The following RAP1GAP2 variants were observed in gnomAD, a reference collection of about 807,000 sequenced individuals.
RAP1GAP2 encodes rap1 GTPase-activating protein 2.
A neutral mutation model predicts 95.0 loss-of-function variants in RAP1GAP2; 27 were observed. The ratio of observed to expected loss-of-function variants is 0.28; its 90% confidence interval spans 0.21 to 0.39. RAP1GAP2 has a LOEUF of 0.39. RAP1GAP2 is among the 10% of genes least tolerant of loss of function. The probability of loss-of-function intolerance (pLI) is 1.00; values close to 1 mark genes in which losing one functional copy is unlikely to be tolerated. For synonymous variants in RAP1GAP2, 373 were observed against 380.9 expected (o/e 0.98, Z 0.24); for missense variants, 771 against 970.0 (o/e 0.79, Z 2.72).
At position 2,886,178 on chromosome 17, in the gene RAP1GAP2, T is replaced by A. The variant is rs1419646231; in HGVS notation, c.81-19106T>A. ...GTGTGTGTGTATATATATATTTTTT[T>A]TTTTTTTTTTTTGAGCCGGAGTCTC... On this transcript the variant is annotated intron_variant, in intron 2 of 24. Transcript: ENST00000254695. 1.3e-3 allele frequency among the ~76,000 whole-genome samples: 195 copies of A among 146,176 alleles called. 3 individuals carry two copies. Among genetic ancestry groups the A allele is most frequent in the Admixed American group, 3.1e-3 (45 of 14,716 alleles).
chr17:2,852,331 AGGGGGTGGGGGT>A (rs139565145), intron 2 of RAP1GAP2, among the ~76,000 whole-genome samples: 2 of 67,660 alleles, frequency 3.0e-5, no homozygotes, highest in African/African-American at 5.2e-5. Flanking sequence ...CCCGGCAGGG[AGGGGGTGGGGGT>A]GGGGGTGGGG....
In RAP1GAP2 at chr17:2,816,135, AG is replaced by A. The variant is rs1335926488; in HGVS notation, c.80+15588del. 2.6e-5 allele frequency among the ~76,000 whole-genome samples: 4 copies of A among 151,436 alleles called. No individual in the cohort carries two copies. In the East Asian group the frequency reaches 7.8e-4, roughly 29 times the overall value. ...ATAATCTGGTAAAAATAGGCGGGGG[AG>A]GGAAGAGCTGGAAGAGGCCCGAGCC... On this transcript the variant is annotated intron_variant, in intron 2 of 24. Coordinates refer to ENST00000254695, the MANE Select transcript of RAP1GAP2 (RefSeq NM_015085.5).
chr17:2,829,358 C>T (rs2070732453), intron 2 of RAP1GAP2, among the ~76,000 whole-genome samples: 1 of 152,078 alleles, frequency 6.6e-6, no homozygotes, highest in Non-Finnish European at 1.5e-5. Context: ...GTTTCTCATC[C>T]CATTGCCTAC....
chr17:2,922,838 T>C, intron 3 of RAP1GAP2, among the ~76,000 whole-genome samples: 1 of 150,800 alleles, frequency 6.6e-6, no homozygotes, highest in Middle Eastern at 3.4e-3. Context: ...TTTTGTTTTT[T>C]TTTTTTTTTT....
intron 2 of RAP1GAP2, among the ~76,000 whole-genome samples, chr17:2,832,203 CCAAAAAAAAAAAGAAAA>C (rs2070888924): frequency 1.9e-5 from 1 of 51,996 alleles, no homozygotes; most frequent in South Asian, 5.1e-4. Flanking sequence ...GACTCTGTCT[CCAAAAAAAAAAAGAAAA>C]CAAAAAAACC....
chr17:2,965,512 C>T lies in RAP1GAP2; in HGVS notation c.493-28C>T, dbSNP rs1254436279. On this transcript the variant is annotated intron_variant, in intron 7 of 24. Coordinates refer to ENST00000254695, the MANE Select transcript of RAP1GAP2 (RefSeq NM_015085.5). This position sits in a 1 kb window ranked among gnomAD's most constrained non-coding sequence, Gnocchi z 4.7. ...ATACCTGGAAGGTTTCTTCCTCCTT[C>T]CTGCTCACACTCAGTTTCTTTTTTT... is the stretch of plus-strand genomic sequence containing the variant. 6 of 1,562,248 alleles carry T rather than the reference C, an allele frequency of 3.8e-6. No individual in the cohort carries two copies. In the African/African-American group the frequency reaches 8.1e-5, roughly 21 times the overall value.
In RAP1GAP2 at chr17:2,904,653, GC is replaced by G. The variant is rs1567761767; in HGVS notation, c.81-627del. Among the ~76,000 whole-genome samples, 1 of 150,900 alleles carries G rather than the reference GC, an allele frequency of 6.6e-6. No individual in the cohort carries two copies. The highest frequency in any genetic ancestry group is 2.0e-4 in the East Asian group (1 of 5,096). ...CCAGCCCCAGTCCTGGATCTCTTTAGCCCCGTGGTTCTCAGACTTTGCCGTG... is the reference window on the plus strand; with the variant it reads ...CCAGCCCCAGTCCTGGATCTCTTTAGCCCGTGGTTCTCAGACTTTGCCGTG... On this transcript the variant is annotated intron_variant, in intron 2 of 24. Coordinates refer to ENST00000254695, the MANE Select transcript of RAP1GAP2 (RefSeq NM_015085.5). The surrounding 1 kb of genome is among the most constrained non-coding windows in gnomAD (Gnocchi z 4.7).
intron 12 of RAP1GAP2, among the ~76,000 whole-genome samples, chr17:2,993,936 T>G (rs2045866888): frequency 6.6e-6 from 1 of 152,100 alleles, no homozygotes; most frequent in African/African-American, 2.4e-5. Context: ...TCCCCGCTAC[T>G]TGGCAGGCTG....
chr17:2,899,392 T>A (rs1221870952), intron 2 of RAP1GAP2, among the ~76,000 whole-genome samples: 1 of 152,024 alleles, frequency 6.6e-6, no homozygotes, highest in Non-Finnish European at 1.5e-5. Flanking sequence ...ATATTTTTTT[T>A]AGTAGAGACG....
intron 2 of RAP1GAP2, among the ~76,000 whole-genome samples, chr17:2,832,557 CAA>C (rs35663343): frequency 7.0e-4 from 54 of 76,704 alleles, no homozygotes; most frequent in South Asian, 1.7e-3. Context: ...GACTCCATCT[CAA>C]AAAAAAAAAA....
intron 4 of RAP1GAP2, 136 bp from the exon 5 acceptor site, chr17:2,962,534 A>G: frequency 2.3e-6 from 2 of 877,892 alleles, no homozygotes; most frequent in Non-Finnish European, 3.5e-6. Flanking sequence ...GCCAGGTGTG[A>G]TGTGTGCAGG....
chr17:2,819,164 G>A (rs946051818), intron 2 of RAP1GAP2, among the ~76,000 whole-genome samples: 1 of 151,728 alleles, frequency 6.6e-6, no homozygotes, highest in South Asian at 2.1e-4. Flanking sequence ...GACTACAGGC[G>A]CCCGCTACCA....
intron 2 of RAP1GAP2, among the ~76,000 whole-genome samples, chr17:2,830,372 G>C (rs146684822): frequency 6.6e-6 from 1 of 151,114 alleles, no homozygotes. Context: ...CGAGGAGATC[G>C]TGCCATTGCA....
chr17:2,759,370 C>A (rs2071203882), intron 1 of RAP1GAP2, among the ~76,000 whole-genome samples: 2 of 152,124 alleles, frequency 1.3e-5, no homozygotes, highest in South Asian at 4.1e-4. Context: ...AGCCTCTACC[C>A]GCTAGGCTCA....
intron 2 of RAP1GAP2, among the ~76,000 whole-genome samples, chr17:2,829,139 C>G (rs371084478): frequency 6.6e-6 from 1 of 151,892 alleles, no homozygotes; most frequent in Non-Finnish European, 1.5e-5. Flanking sequence ...CCCGCCACCA[C>G]GCCCGGCTAA....
intron 3 of RAP1GAP2, among the ~76,000 whole-genome samples, chr17:2,938,547 T>A (rs944769797): frequency 1.3e-5 from 2 of 152,238 alleles, no homozygotes; most frequent in East Asian, 3.9e-4. Flanking sequence ...GGCCCTGAGC[T>A]CATGGTGTGT....
rs1472993525 is a variant in RAP1GAP2 at position 2,991,353 on chromosome 17, C to T, written c.870C>T (p.Phe290=). The change falls in exon 12 of 25, where the codon TTC becomes TTT. Residue 290 remains phenylalanine (F), a synonymous_variant. Coordinates refer to ENST00000254695, the MANE Select transcript of RAP1GAP2 (RefSeq NM_015085.5). The stretch of plus-strand genomic sequence containing the variant: ...AGGAGAGCCCAGCTTTTAAGGAGTT[C>T]TTGGACCTGCTGGGGGACACGATCA... ...NNEESPAFKE[F]LDLLGDTITL... 11 of 1,606,244 alleles carry T rather than the reference C, an allele frequency of 6.8e-6. No individual in the cohort carries two copies. Among genetic ancestry groups the T allele is most frequent in the Non-Finnish European group, 9.3e-6 (11 of 1,176,532 alleles).
intron 3 of RAP1GAP2, among the ~76,000 whole-genome samples, chr17:2,911,260 A>ATTTTTTTTTTTTTTTTTTTTTT (rs34227127): frequency 1.5e-5 from 2 of 132,024 alleles, no homozygotes; most frequent in Non-Finnish European, 3.1e-5. Context: ...TTTGAAGGGG[A>ATTTTTTTTTTTTTTTTTTTTTT]TTTTTTTTTT....
intron 2 of RAP1GAP2, among the ~76,000 whole-genome samples, chr17:2,803,937 A>C (rs1217821168): frequency 6.6e-6 from 1 of 152,230 alleles, no homozygotes; most frequent in African/African-American, 2.4e-5. Context: ...ATGGTTATTA[A>C]GACAGTGTGG....
Sources: allele counts gnomAD v4.1 joint callset (sites outside exome capture counted in the v4.1 genomes callset), GRCh38; gene constraint gnomAD v4.1.1; non-coding constraint Gnocchi (gnomAD v3.1); transcripts MANE v1.5; gene names NCBI Gene and HGNC (gene_info 2026-07-23, HGNC 2026-07-21).